Variants in DYNC2H1 observed in about 807,000 individuals in gnomAD.
The protein encoded by DYNC2H1 is dynein cytoplasmic 2 heavy chain 1, also known as cytoplasmic dynein 2 heavy chain 1.
In DYNC2H1, 410 loss-of-function variants were observed where a neutral mutation model predicts 570.0. The observed-to-expected ratio is 0.72, with a 90% confidence interval of 0.66 to 0.78. DYNC2H1 has a LOEUF of 0.78. Ranked by LOEUF, DYNC2H1 falls within the 30% of genes least tolerant of loss-of-function variation. DYNC2H1 has a pLI of 0.00. For synonymous variants in DYNC2H1, 1,688 were observed against 1,677.6 expected, an observed-to-expected ratio of 1.01 and a Z score of -0.15; for missense variants, 4,865 against 5,046.4, an observed-to-expected ratio of 0.96 and a Z score of 1.09.
At chr11:103,468,793 AT>A in intron 88 of DYNC2H1, 88 bp downstream of exon 88, 2 of 1,077,844 alleles carry the variant, frequency 1.9e-6, no homozygotes, top group Non-Finnish European at 2.6e-6. Context: ...TGGCCTGTGT[AT>A]TTTTGTTTGC....
chr11:103,126,291 A>G lies in DYNC2H1; in HGVS notation c.1857+996A>G, dbSNP rs1285993245. On this transcript the variant is annotated intron_variant, in intron 12 of 88. Transcript: ENST00000375735. The stretch of plus-strand genomic sequence containing the variant: ...TTTAGGGGGCTGTGCTTTGCTTTGT[A>G]TGCTTTTTATTGGCATTCCTGTCCT... 2.6e-5 allele frequency among the ~76,000 whole-genome samples: 4 copies of G among 152,254 alleles called. No homozygotes were observed. The South Asian group carries it at 6.2e-4, about 24-fold the overall frequency.
intron 82 of DYNC2H1, among the ~76,000 whole-genome samples, chr11:103,328,038 C>T (rs1271550775): frequency 6.6e-6 from 1 of 152,098 alleles, no homozygotes; most frequent in East Asian, 1.9e-4. Flanking sequence ...CTGATTCAAC[C>T]CAGACTTCAT....
At chr11:103,158,366 A>G (rs1314402678) in intron 26 of DYNC2H1, among the ~76,000 whole-genome samples, 1 of 152,176 alleles carries the variant, frequency 6.6e-6, no homozygotes, top group Non-Finnish European at 1.5e-5. Context: ...GGTGAATGTC[A>G]GGAACCCAGG....
At chr11:103,266,953 C>T (rs1386397283) in intron 70 of DYNC2H1, among the ~76,000 whole-genome samples, 1 of 152,182 alleles carries the variant, frequency 6.6e-6, no homozygotes, top group African/African-American at 2.4e-5. Flanking sequence ...GCAAGTTGAG[C>T]TGGGAATGGC....
intron 77 of DYNC2H1, 34 bp downstream of exon 77, chr11:103,304,754 T>C (rs1235977098): frequency 3.1e-6 from 5 of 1,593,772 alleles, no homozygotes; most frequent in African/African-American, 1.3e-5. Context: ...TAATATCTAT[T>C]ATACTCAACT....
chr11:103,333,689 G>C (rs1303812538), intron 82 of DYNC2H1, among the ~76,000 whole-genome samples: 4 of 151,958 alleles, frequency 2.6e-5, no homozygotes, highest in Non-Finnish European at 5.9e-5. Flanking sequence ...ATATGGATTT[G>C]GTGGATTTTA....
At chr11:103,225,326 T>TA (rs1228790365) in intron 59 of DYNC2H1, among the ~76,000 whole-genome samples, 7 of 152,184 alleles carry the variant, frequency 4.6e-5, no homozygotes, top group Non-Finnish European at 1.0e-4. Context: ...AGTCTTTACC[T>TA]AAGCCAATGT....
intron 84 of DYNC2H1, among the ~76,000 whole-genome samples, chr11:103,421,037 A>G (rs925078030): frequency 6.6e-6 from 1 of 152,230 alleles, no homozygotes. Context: ...AAGAAAATTT[A>G]CCAAGCAAAT....
chr11:103,442,884 T>G (rs771756158), intron 85 of DYNC2H1, among the ~76,000 whole-genome samples: 2 of 151,892 alleles, frequency 1.3e-5, no homozygotes, highest in Admixed American at 6.6e-5. Flanking sequence ...TCCCTGCATG[T>G]AACCAGTGAT....
chr11:103,434,122 T>A (rs1444674123), intron 84 of DYNC2H1, among the ~76,000 whole-genome samples: 1 of 152,044 alleles, frequency 6.6e-6, no homozygotes, highest in East Asian at 1.9e-4. Flanking sequence ...TGCAGCTGAG[T>A]GGTTTTTTCG....
intron 48 of DYNC2H1, among the ~76,000 whole-genome samples, 151 bp downstream of exon 48, chr11:103,198,214 A>T (rs1591394981): frequency 6.6e-6 from 1 of 152,200 alleles, no homozygotes; most frequent in Admixed American, 6.5e-5. Context: ...ATTGTGGCGG[A>T]TGTAACGAGA....
At chr11:103,283,767 G>A (rs1565461194) in intron 73 of DYNC2H1, among the ~76,000 whole-genome samples, 1 of 151,820 alleles carries the variant, frequency 6.6e-6, no homozygotes, top group East Asian at 1.9e-4. Context: ...TATGTTTCTT[G>A]TTGCATAGTC....
In DYNC2H1 at chr11:103,222,952, A is replaced by G. The variant is rs770030595; in HGVS notation, c.9232-13A>G. The G allele has an allele frequency of 1.4e-4, 231 of 1,612,180 alleles. No individual in the cohort carries two copies. Among genetic ancestry groups the G allele is most frequent in the Non-Finnish European group, 1.9e-4 (225 of 1,179,142 alleles). Reference sequence around the variant, plus strand: ...AAGTAAGGATGTTGAATCACTTCTCATGGATTTTTCAGAATGCTAAGCGTG... The same window carrying G: ...AAGTAAGGATGTTGAATCACTTCTCGTGGATTTTTCAGAATGCTAAGCGTG... On this transcript the variant is annotated splice_polypyrimidine_tract_variant and intron_variant, in intron 58 of 88. Transcript: ENST00000375735.
At chr11:103,296,418 A>C (rs1394425684) in intron 75 of DYNC2H1, among the ~76,000 whole-genome samples, 1 of 152,204 alleles carries the variant, frequency 6.6e-6, no homozygotes, top group Non-Finnish European at 1.5e-5. Context: ...AATTTGGATA[A>C]ACATGGTGAG....
At chr11:103,291,437 C>CAATAAATAAATA (rs749615097) in intron 75 of DYNC2H1, among the ~76,000 whole-genome samples, 30 of 129,984 alleles carry the variant, frequency 2.3e-4, no homozygotes, top group Non-Finnish European at 2.5e-4. Context: ...GCCTCCATCT[C>CAATAAATAAATA]AATAAATAAA....
intron 82 of DYNC2H1, among the ~76,000 whole-genome samples, chr11:103,332,081 AG>A (rs1938835110): frequency 6.6e-6 from 1 of 151,964 alleles, no homozygotes; most frequent in Admixed American, 6.6e-5. Flanking sequence ...AAAAAAAAAA[AG>A]TTCCGATGAA....
At chr11:103,463,300 A>T (rs112741758) in intron 87 of DYNC2H1, among the ~76,000 whole-genome samples, 1 of 152,222 alleles carries the variant, frequency 6.6e-6, no homozygotes, top group African/African-American at 2.4e-5. Context: ...AGATTGAGCT[A>T]TAAGTCCAGA....
At chr11:103,267,249 G>A (rs538507576) in intron 70 of DYNC2H1, among the ~76,000 whole-genome samples, 1 of 151,596 alleles carries the variant, frequency 6.6e-6, no homozygotes, top group Non-Finnish European at 1.5e-5. Flanking sequence ...TCCTTCAACC[G>A]AGCTTCTGTG....
At chr11:103,196,291 C>G (rs961438415) in intron 47 of DYNC2H1, among the ~76,000 whole-genome samples, 1 of 152,124 alleles carries the variant, frequency 6.6e-6, no homozygotes, top group Non-Finnish European at 1.5e-5. Flanking sequence ...GATAATAGTT[C>G]AGTTTTGTAC....
Sources: allele counts gnomAD v4.1 joint callset (sites outside exome capture counted in the v4.1 genomes callset), GRCh38; gene constraint gnomAD v4.1.1; transcripts MANE v1.5; gene names NCBI Gene and HGNC (gene_info 2026-07-23, HGNC 2026-07-21).